ASMT: variants seen among roughly 807,000 people sequenced by gnomAD.
The protein encoded by ASMT is acetylserotonin O-methyltransferase.
Under a neutral mutation model 41.3 loss-of-function variants are expected in ASMT, and 53 were observed. That is an observed-to-expected ratio of 1.28 (90% CI 1.03 to 1.61). The LOEUF (loss-of-function observed/expected upper bound fraction) is 1.61, where lower values mean the gene tolerates loss of function less well. Ranked by LOEUF, ASMT falls within the 40% of genes most tolerant of loss-of-function variation. The probability of loss-of-function intolerance (pLI) is 0.00; values close to 1 mark genes in which losing one functional copy is unlikely to be tolerated. For missense variants in ASMT, 531 were observed against 441.3 expected, an observed-to-expected ratio of 1.20 and a Z score of -1.82; for synonymous variants, 231 against 184.8, an observed-to-expected ratio of 1.25 and a Z score of -2.03.
chrX:1,619,036 C>G (rs1325634913), intron 1 of ASMT, among the ~76,000 whole-genome samples: 3 of 152,280 alleles, frequency 2.0e-5, no homozygotes, highest in Middle Eastern at 3.4e-3. Context: ...ACACCCTTAA[C>G]AGAAACAATT....
chrX:1,633,161 G>A lies in ASMT; in HGVS notation c.658G>A (p.Ala220Thr). The A allele has an allele frequency of 6.2e-7, 1 of 1,613,942 alleles. No individual in the cohort carries two copies. The highest frequency in any genetic ancestry group is 8.5e-7 in the Non-Finnish European group (1 of 1,179,866). ...GTGTCCCCTTCCAGGTGGGGCTGGA[G>A]CTCTGGCTAAGGAATGCATGTCTCT... ...RVFSLIGGAG[A>T]LAKECMSLYP... is the part of the protein sequence containing the mutation. The change falls in exon 7 of 9, where the codon GCT becomes ACT. Residue 220 changes from alanine to threonine, a missense_variant. Transcript: ENST00000381241.
intron 8 of ASMT, among the ~76,000 whole-genome samples, chrX:1,636,888 GT>G (rs1934987941): frequency 1.3e-5 from 2 of 150,360 alleles, no homozygotes; most frequent in African/African-American, 2.5e-5. Context: ...CATCCTGATG[GT>G]TCATGAGGAT....
At chrX:1,632,390 G>A (rs1427954849) in intron 5 of ASMT, among the ~76,000 whole-genome samples, 2 of 152,088 alleles carry the variant, frequency 1.3e-5, no homozygotes, top group Non-Finnish European at 2.9e-5. Flanking sequence ...GGTGGCTCAC[G>A]CCTGTCATCC....
At chrX:1,626,728 A>G (rs139063133) in intron 3 of ASMT, among the ~76,000 whole-genome samples, 3,274 of 150,680 alleles carry the variant, frequency 0.022, 99 homozygotes, top group African/African-American at 0.078. Flanking sequence ...CTCAGGTTTA[A>G]ACAATTAAGC....
chrX:1,631,413 ACCC>A (rs1170572770), intron 5 of ASMT, among the ~76,000 whole-genome samples: 7 of 149,630 alleles, frequency 4.7e-5, no homozygotes, highest in Non-Finnish European at 1.0e-4. Flanking sequence ...CACCTCCTCT[ACCC>A]CATAGGGCTG....
At position 1,642,257 on chromosome X, in the gene ASMT, C is replaced by T. The variant is rs773897596; in HGVS notation, c.911-546C>T. Among the ~76,000 whole-genome samples the T allele has an allele frequency of 1.8e-3, 269 of 147,824 alleles. 1 individual carries two copies. The highest frequency in any genetic ancestry group is 3.9e-3 in the Middle Eastern group (1 of 254). The stretch of plus-strand genomic sequence containing the variant: ...TTGATGGTTCATGAGGACTTGGGCA[C>T]AGCCTCTGTGTGTGTGATGGGGACA... On this transcript the variant is annotated intron_variant, in intron 8 of 8. Coordinates refer to ENST00000381241, the MANE Select transcript of ASMT (RefSeq NM_001171038.2).
rs1344534825 is a variant in ASMT at position 1,630,041 on chromosome X, A to G, written c.562+102A>G. 5 of 1,078,774 alleles carry G rather than the reference A, an allele frequency of 4.6e-6. No homozygotes were observed. The East Asian group carries it at 7.1e-5, about 15-fold the overall frequency. The allele number at this position is 1,078,774 out of a possible 1,614,324, so 66.8% of individuals were successfully genotyped here. A position where few individuals can be genotyped will look rare whatever the true frequency, so the allele number is the denominator to read the frequency against. ...ATTTTCTGCATTCTGATGCTTTGACATGTGCGGCCTTACTGGTCTTAGAGG... is the reference window on the plus strand; with the variant it reads ...ATTTTCTGCATTCTGATGCTTTGACGTGTGCGGCCTTACTGGTCTTAGAGG... On this transcript the variant is annotated intron_variant, in intron 5 of 8. Coordinates refer to ENST00000381241, the MANE Select transcript of ASMT (RefSeq NM_001171038.2).
At chrX:1,620,902 A>G (rs1292331840) in intron 1 of ASMT, among the ~76,000 whole-genome samples, 1 of 149,768 alleles carries the variant, frequency 6.7e-6, no homozygotes, top group African/African-American at 2.5e-5. Context: ...AAATAATGAT[A>G]ATAATAATAA....
intron 2 of ASMT, among the ~76,000 whole-genome samples, chrX:1,623,683 C>A (rs1264182651): frequency 6.6e-6 from 1 of 152,108 alleles, no homozygotes; most frequent in Admixed American, 6.6e-5. Flanking sequence ...GAGTGTGAGA[C>A]CCAGGCTGGG....
Position 1,633,266 on chromosome X carries a change from G to A in ASMT, c.763G>A (p.Glu255Lys). The A allele has an allele frequency of 3.7e-6, 6 of 1,613,936 alleles. No individual in the cohort carries two copies. Among genetic ancestry groups the A allele is most frequent in the Non-Finnish European group, 5.1e-6 (6 of 1,179,864 alleles). The change falls in exon 7 of 9, where the codon GAA becomes AAA. Residue 255 changes from glutamate to lysine, a missense_variant. Glu to Lys is a moderately conservative substitution (Grantham distance 56). Transcript: ENST00000381241. ...TAKQHFSFQE[E>K]EQIDFQEGDF... ...AAAGCAGCACTTCTCATTCCAGGAGGAAGAACAGATTGACTTCCAGGAAGG... is the reference window on the plus strand; with the variant it reads ...AAAGCAGCACTTCTCATTCCAGGAGAAAGAACAGATTGACTTCCAGGAAGG...
intron 3 of ASMT, 69 bp from the exon 4 acceptor site, chrX:1,627,634 G>GAAATA (rs1157389587): frequency 2.7e-6 from 1 of 372,028 alleles, no homozygotes; most frequent in Non-Finnish European, 3.7e-6. Flanking sequence ...GAAATGAAAC[G>GAAATA]AAATGAAATG....
intron 3 of ASMT, 39 bp from the exon 4 acceptor site, chrX:1,627,664 G>T (rs1303441767): frequency 7.9e-7 from 1 of 1,264,600 alleles, no homozygotes; most frequent in Non-Finnish European, 1.1e-6. Context: ...GAAATGAAAT[G>T]AAATGAAATG....
At chrX:1,630,006 C>A in intron 5 of ASMT, 67 bp downstream of exon 5, 1 of 1,344,008 alleles carries the variant, frequency 7.4e-7, no homozygotes, top group South Asian at 1.2e-5. Flanking sequence ...ATGTGTTATT[C>A]ATGTCTTTTA....
chrX:1,636,467 G>C lies in ASMT; in HGVS notation c.817G>C (p.Ala273Pro), dbSNP rs1336302446. The C allele has an allele frequency of 1.9e-6, 3 of 1,613,900 alleles. No individual in the cohort carries two copies. Among genetic ancestry groups the C allele is most frequent in the East Asian group, 2.2e-5 (1 of 44,874 alleles). The change falls in exon 8 of 9, where the codon GCT becomes CCT. Residue 273 changes from alanine (A) to proline (P), a missense_variant. Transcript: ENST00000381241. ...GDFFKDPLPE[A>P]DLYILARVLH... is the part of the protein sequence containing the mutation. The stretch of plus-strand genomic sequence containing the variant: ...TTTCTTCAAAGACCCTCTTCCGGAA[G>C]CTGATCTGTACATCCTGGCCAGGGT...
chrX:1,631,323 G>C (rs767674058), intron 5 of ASMT, among the ~76,000 whole-genome samples: 23 of 151,502 alleles, frequency 1.5e-4, no homozygotes, highest in African/African-American at 5.1e-4. Context: ...TGAGTGATGG[G>C]ATTACAGGCA....
chrX:1,623,376 C>A, intron 2 of ASMT, 63 bp downstream of exon 2: 1 of 1,592,058 alleles, frequency 6.3e-7, no homozygotes, highest in Admixed American at 1.7e-5. Context: ...CCCACGTGTT[C>A]TGTAAAAAGT....
At chrX:1,637,375 C>G (rs184382530) in intron 8 of ASMT, among the ~76,000 whole-genome samples, 2 of 2,086 alleles carry the variant, frequency 9.6e-4, no homozygotes, top group Non-Finnish European at 7.7e-4. Flanking sequence ...CCTCCTGATG[C>G]TTCACGAGGA....
rs770691718 is a variant in ASMT, at chrX:1,633,131, G to A, written c.647-19G>A. The A allele has an allele frequency of 8.1e-6, 13 of 1,613,754 alleles. No homozygotes were observed. The highest frequency in any genetic ancestry group is 6.7e-5 in the East Asian group (3 of 44,900). On this transcript the variant is annotated intron_variant, in intron 6 of 8. Transcript: ENST00000381241. ...TCAGGTTCATCTCTGAGGGTCAAAC[G>A]GGCTGTGTCCCCTTCCAGGTGGGGC...
rs7064593 is a variant in ASMT at position 1,637,066 on chromosome X, G to A, written c.910+506G>A. 7.3e-3 allele frequency among the ~76,000 whole-genome samples: 756 copies of A among 102,962 alleles called. 73 individuals carry two copies. Among genetic ancestry groups the A allele is most frequent in the Non-Finnish European group, 0.011 (556 of 48,922 alleles). 67.5% of individuals were successfully genotyped at this position (102,962 alleles called of 152,430 possible). On this transcript the variant is annotated intron_variant, in intron 8 of 8. Coordinates refer to ENST00000381241, the MANE Select transcript of ASMT (RefSeq NM_001171038.2). Reference sequence around the variant, plus strand: ...ATCCTGATGGCACATGAGGATGTGGGCACAGCCTCTGTGTGTGAGATAAGG... The same window carrying A: ...ATCCTGATGGCACATGAGGATGTGGACACAGCCTCTGTGTGTGAGATAAGG...
Sources: allele counts gnomAD v4.1 joint callset (sites outside exome capture counted in the v4.1 genomes callset), GRCh38; gene constraint gnomAD v4.1.1; transcripts MANE v1.5; gene names NCBI Gene and HGNC (gene_info 2026-07-23, HGNC 2026-07-21).